RBMS3: variants seen among roughly 807,000 people sequenced by gnomAD.
RBMS3 encodes RNA binding motif single stranded interacting protein 3, also known as RNA-binding motif, single-stranded-interacting protein 3.
A neutral mutation model predicts 66.8 loss-of-function variants in RBMS3; 27 were observed. That is an observed-to-expected ratio of 0.40 (90% CI 0.30 to 0.56). RBMS3 has a LOEUF of 0.56. RBMS3 is among the 20% of genes least tolerant of loss of function. RBMS3 has a pLI of 0.40. For missense variants in RBMS3, 513 were observed against 549.5 expected, an observed-to-expected ratio of 0.93 and a Z score of 0.66; for synonymous variants, 188 against 183.0, an observed-to-expected ratio of 1.03 and a Z score of -0.22.
chr3:29,302,086 T>C lies in RBMS3; in HGVS notation c.75+20330T>C, dbSNP rs75341513. ...GTGCAGTGGTATGGTCATGGCTCAC[T>C]GCAGCCTTGAGCTTCTGGGTTCAAG... On this transcript the variant is annotated intron_variant, in intron 1 of 14. Coordinates refer to ENST00000383767, the MANE Select transcript of RBMS3 (RefSeq NM_001003793.3). 3.9e-3 allele frequency among the ~76,000 whole-genome samples: 593 copies of C among 152,184 alleles called. 3 individuals carry two copies. The highest frequency in any genetic ancestry group is 0.012 in the African/African-American group (503 of 41,546).
At chr3:29,397,533 G>T (rs901118220) in intron 1 of RBMS3, among the ~76,000 whole-genome samples, 4 of 151,958 alleles carry the variant, frequency 2.6e-5, no homozygotes, top group Non-Finnish European at 5.9e-5. Context: ...CCTATCCTTG[G>T]CTAGTTTGGA....
At chr3:29,919,051 A>G (rs777533040) in intron 10 of RBMS3, among the ~76,000 whole-genome samples, 26 of 152,234 alleles carry the variant, frequency 1.7e-4, no homozygotes, top group Admixed American at 3.3e-4. Context: ...AATTTTTAAT[A>G]AAGGTGGAAC....
chr3:29,944,497 T>G (rs909769318), intron 12 of RBMS3, among the ~76,000 whole-genome samples: 4 of 151,752 alleles, frequency 2.6e-5, no homozygotes, highest in Admixed American at 2.6e-4. Context: ...AACCATTTTA[T>G]CTGTCAAGGA....
chr3:29,994,836 G>A (rs1374705987), intron 14 of RBMS3, among the ~76,000 whole-genome samples: 5 of 151,050 alleles, frequency 3.3e-5, no homozygotes, highest in Admixed American at 6.6e-5. Flanking sequence ...AACAGAACAG[G>A]AAAACTGGAA....
chr3:29,796,842 A>C (rs1323971160), intron 6 of RBMS3, among the ~76,000 whole-genome samples: 3 of 151,308 alleles, frequency 2.0e-5, no homozygotes, highest in Non-Finnish European at 2.9e-5. Flanking sequence ...CCTCCAGAGT[A>C]GCTGGGACTA....
intron 4 of RBMS3, among the ~76,000 whole-genome samples, chr3:29,643,096 C>T (rs1248145856): frequency 6.6e-6 from 1 of 152,126 alleles, no homozygotes; most frequent in Non-Finnish European, 1.5e-5. Context: ...AAAATAGGCA[C>T]TTTGATTCTT....
chr3:29,946,338 C>T (rs938645517), intron 12 of RBMS3, among the ~76,000 whole-genome samples: 1 of 151,618 alleles, frequency 6.6e-6, no homozygotes, highest in Admixed American at 6.6e-5. Context: ...ACAAATAACT[C>T]TTTGCCAGTG....
Position 29,439,715 on chromosome 3 carries a change from G to A in RBMS3, c.248+4800G>A, listed in dbSNP as rs557776826. ...GCTGGTGTGCTGCACCCATTAACTC[G>A]TCATTTAGCATTAGGTATATCTCCT... On this transcript the variant is annotated intron_variant, in intron 2 of 14. Transcript: ENST00000383767. 1.4e-3 allele frequency among the ~76,000 whole-genome samples: 218 copies of A among 151,886 alleles called. 1 individual carries two copies. Among genetic ancestry groups the A allele is most frequent in the African/African-American group, 5.0e-3 (208 of 41,386 alleles).
intron 2 of RBMS3, among the ~76,000 whole-genome samples, chr3:29,473,422 C>T (rs2042819754): frequency 6.6e-6 from 1 of 152,260 alleles, no homozygotes. Flanking sequence ...CCACTAGACT[C>T]AGGAGCCCAG....
At chr3:29,391,401 C>G (rs2039288035) in intron 1 of RBMS3, among the ~76,000 whole-genome samples, 1 of 151,300 alleles carries the variant, frequency 6.6e-6, no homozygotes, top group African/African-American at 2.4e-5. Context: ...GTTAAGAATC[C>G]AGAAAAACAA....
intron 2 of RBMS3, among the ~76,000 whole-genome samples, chr3:29,436,792 T>C: frequency 6.6e-6 from 1 of 152,246 alleles, no homozygotes. Context: ...TATGATTCAC[T>C]AGGTCTGGGG....
intron 12 of RBMS3, among the ~76,000 whole-genome samples, chr3:29,970,819 T>G (rs1299064753): frequency 6.6e-6 from 1 of 152,176 alleles, no homozygotes; most frequent in African/African-American, 2.4e-5. Context: ...TAATGAAGAT[T>G]TGGGATGTGT....
intron 1 of RBMS3, among the ~76,000 whole-genome samples, chr3:29,330,697 C>T (rs566864939): frequency 1.3e-5 from 2 of 152,196 alleles, no homozygotes; most frequent in South Asian, 2.1e-4. Flanking sequence ...TTAAGTTTCC[C>T]CTGCTAACTC....
chr3:29,344,498 G>C (rs2036460317), intron 1 of RBMS3, among the ~76,000 whole-genome samples: 1 of 152,166 alleles, frequency 6.6e-6, no homozygotes, highest in South Asian at 2.1e-4. Flanking sequence ...ACTGCTGGTA[G>C]AGAGCAAGTT....
chr3:29,901,883 A>G (rs17024575), intron 10 of RBMS3, among the ~76,000 whole-genome samples: 3,286 of 151,892 alleles, frequency 0.022, 126 homozygotes, highest in African/African-American at 0.076. Context: ...GGAAACACAG[A>G]GTTTGTACCA....
At chr3:29,890,483 G>A (rs2059974530) in intron 8 of RBMS3, among the ~76,000 whole-genome samples, 1 of 151,580 alleles carries the variant, frequency 6.6e-6, no homozygotes, top group Non-Finnish European at 1.5e-5. Context: ...AGAACACAGG[G>A]TATCCAAAGA....
chr3:29,532,612 C>T (rs891052869), intron 3 of RBMS3, among the ~76,000 whole-genome samples: 1 of 151,934 alleles, frequency 6.6e-6, no homozygotes, highest in Non-Finnish European at 1.5e-5. Flanking sequence ...GTGCCTGTAT[C>T]GTCGCTACTC....
At chr3:29,450,924 CACA>C (rs2041993524) in intron 2 of RBMS3, among the ~76,000 whole-genome samples, 1 of 124,852 alleles carries the variant, frequency 8.0e-6, no homozygotes, top group South Asian at 2.4e-4. Context: ...CACACACACA[CACA>C]CACACCCCCC....
chr3:29,358,705 G>A (rs2037379477), intron 1 of RBMS3, among the ~76,000 whole-genome samples: 1 of 151,894 alleles, frequency 6.6e-6, no homozygotes, highest in South Asian at 2.1e-4. Context: ...ATTTTTTTGT[G>A]TCCTCTTTTA....
Sources: gnomAD v4.1 joint callset for allele counts (sites outside exome capture counted in the v4.1 genomes callset) on GRCh38, gnomAD v4.1.1 for gene constraint, MANE v1.5 for transcripts, NCBI Gene and HGNC (gene_info 2026-07-23, HGNC 2026-07-21) for gene names.